Variants in DMD observed in about 807,000 individuals in gnomAD.
DMD encodes the protein mutant dystrophin.
DMD carries 63 observed loss-of-function variants against 330.1 expected under a neutral mutation model. That is an observed-to-expected ratio of 0.19 (90% CI 0.16 to 0.24). DMD has a LOEUF of 0.24. Ranked by LOEUF, DMD falls within the 10% of genes least tolerant of loss-of-function variation. The pLI is 1.00. For missense variants in DMD, 3,344 were observed against 2,684.1 expected (o/e 1.25, Z -5.43); for synonymous variants, 1,223 against 959.8 (o/e 1.27, Z -5.07).
At chrX:32,637,692 C>A (rs1750482973) in intron 11 of DMD, among the ~76,000 whole-genome samples, 1 of 111,398 alleles carries the variant, frequency 9.0e-6, no homozygotes, top group Non-Finnish European at 1.9e-5. Flanking sequence ...GCAAACATGT[C>A]CTTCTTCACA....
At chrX:31,239,536 G>A (rs1286149986) in intron 63 of DMD, among the ~76,000 whole-genome samples, 1 of 111,184 alleles carries the variant, frequency 9.0e-6, no homozygotes, top group Non-Finnish European at 1.9e-5. Flanking sequence ...TCCCTTCCCT[G>A]AGCAAGCCAC....
At chrX:32,055,033 T>C in intron 44 of DMD, among the ~76,000 whole-genome samples, 1 of 111,632 alleles carries the variant, frequency 9.0e-6, no homozygotes. Context: ...CTATGCATGG[T>C]GAAAATGCTG....
At chrX:31,312,053 C>A (rs1374642517) in intron 62 of DMD, among the ~76,000 whole-genome samples, 3 of 112,039 alleles carry the variant, frequency 2.7e-5, no homozygotes, top group African/African-American at 9.7e-5. Context: ...TGGGCAAAGA[C>A]TTCATGACAA....
At chrX:31,235,635 T>C (rs2047653310) in intron 63 of DMD, among the ~76,000 whole-genome samples, 1 of 112,234 alleles carries the variant, frequency 8.9e-6, no homozygotes, top group South Asian at 3.7e-4. Context: ...TTTTACCAGG[T>C]TTAAGCTGTC....
At chrX:31,209,384 G>A in intron 65 of DMD, 114 bp downstream of exon 65, 1 of 725,862 alleles carries the variant, frequency 1.4e-6, no homozygotes, top group Non-Finnish European at 2.2e-6. Context: ...ATCACAGGAA[G>A]AGCATTAGGT....
At chrX:33,135,230 T>G (rs982118337) in intron 1 of DMD, among the ~76,000 whole-genome samples, 3 of 111,925 alleles carry the variant, frequency 2.7e-5, no homozygotes, top group African/African-American at 9.7e-5. Context: ...AAGACTGGCT[T>G]TTTTACAGCT....
Position 32,472,551 on chromosome X carries a change from A to G in DMD, c.2804-242T>C, listed in dbSNP as rs746326023. ...CAGCCTGTAAAATCTATATTGTTCA[A>G]TTCGTTTTATAAGGTCAGGAAACAG... On this transcript the variant is annotated intron_variant, in intron 21 of 78. Transcript: ENST00000357033. 2.8e-4 allele frequency among the ~76,000 whole-genome samples: 31 copies of G among 111,526 alleles called. 1 individual carries two copies. The Admixed American group carries it at 2.9e-3, about 10-fold the overall frequency.
chrX:32,539,661 G>A (rs1410814069), intron 17 of DMD, among the ~76,000 whole-genome samples: 1 of 111,827 alleles, frequency 8.9e-6, no homozygotes, highest in Non-Finnish European at 1.9e-5. Context: ...TTAGGCATGA[G>A]TCTCACAAAA....
intron 2 of DMD, among the ~76,000 whole-genome samples, chrX:32,912,604 A>T (rs1382950674): frequency 8.9e-6 from 1 of 112,314 alleles, no homozygotes; most frequent in Non-Finnish European, 1.9e-5. Context: ...GCAGTCACAG[A>T]CATGGATGAA....
chrX:31,848,704 T>C (rs932799828), intron 48 of DMD, among the ~76,000 whole-genome samples: 4 of 110,800 alleles, frequency 3.6e-5, no homozygotes, highest in Non-Finnish European at 7.6e-5. Context: ...TAGGGAGTAA[T>C]GGTTCAATAA....
chrX:32,510,405 C>T (rs965927557), intron 18 of DMD, among the ~76,000 whole-genome samples: 1 of 111,841 alleles, frequency 8.9e-6, no homozygotes, highest in Non-Finnish European at 1.9e-5. Flanking sequence ...CAAGCACATG[C>T]ATACCCTCTC....
chrX:31,325,416 A>G (rs1338854767), intron 61 of DMD, among the ~76,000 whole-genome samples: 1 of 99,065 alleles, frequency 1.0e-5, no homozygotes, highest in African/African-American at 3.8e-5. Context: ...CCTGGCCAAC[A>G]TGAGGAAACG....
At chrX:32,769,563 G>A (rs1250762472) in intron 7 of DMD, among the ~76,000 whole-genome samples, 1 of 111,842 alleles carries the variant, frequency 8.9e-6, no homozygotes, top group Non-Finnish European at 1.9e-5. Context: ...TGGCACTTAT[G>A]TGTTAAAGCA....
chrX:32,514,696 G>A (rs1291501657), intron 18 of DMD, among the ~76,000 whole-genome samples: 3 of 112,533 alleles, frequency 2.7e-5, no homozygotes, highest in African/African-American at 6.5e-5. Flanking sequence ...AGCCGAGATC[G>A]CGCCACTGCA....
rs1177303424 is a variant in DMD at position 31,479,156 on chromosome X, AAATT to A, written c.8548-57_8548-54del. 4 of 1,190,627 alleles carry A rather than the reference AAATT, an allele frequency of 3.4e-6. No individual in the cohort carries two copies. In the African/African-American group the frequency reaches 5.3e-5, roughly 16 times the overall value. On this transcript the variant is annotated intron_variant, in intron 57 of 78. Coordinates refer to ENST00000357033, the MANE Select transcript of DMD (RefSeq NM_004006.3). ...TATTTGGCTTGTGGCATTCTTCTCA[AAATT>A]AATCCTGGGTGCTCAGAACTTGTTT... is the stretch of plus-strand genomic sequence containing the variant.
At chrX:32,175,267 C>T (rs777208503) in intron 44 of DMD, among the ~76,000 whole-genome samples, 27 of 110,643 alleles carry the variant, frequency 2.4e-4, no homozygotes, top group Middle Eastern at 4.6e-3. Context: ...GGAACCTTCC[C>T]GTCTTACAAG....
intron 60 of DMD, among the ~76,000 whole-genome samples, chrX:31,382,515 A>C (rs1289100738): frequency 8.9e-6 from 1 of 111,733 alleles, no homozygotes; most frequent in Non-Finnish European, 1.9e-5. Flanking sequence ...CTTAACTCTT[A>C]AAGTAAATAA....
intron 43 of DMD, among the ~76,000 whole-genome samples, chrX:32,284,606 A>G (rs1485950403): frequency 8.9e-6 from 1 of 112,049 alleles, no homozygotes; most frequent in Non-Finnish European, 1.9e-5. Context: ...GATAATCCTC[A>G]TAACAACCCT....
At chrX:32,315,698 T>C (rs927392371) in intron 41 of DMD, among the ~76,000 whole-genome samples, 2 of 111,277 alleles carry the variant, frequency 1.8e-5, no homozygotes, top group African/African-American at 6.5e-5. Flanking sequence ...TGGCTTCTCA[T>C]CTGTTAAGCT....
Sources: gnomAD v4.1 joint callset for allele counts (sites outside exome capture counted in the v4.1 genomes callset) on GRCh38, gnomAD v4.1.1 for gene constraint, MANE v1.5 for transcripts, NCBI Gene and HGNC (gene_info 2026-07-23, HGNC 2026-07-21) for gene names.